BMPER: variants seen among roughly 807,000 people sequenced by gnomAD.
BMPER encodes the protein BMP-binding endothelial regulator protein.
In BMPER, 45 loss-of-function variants were observed where a neutral mutation model predicts 87.3. That is an observed-to-expected ratio of 0.52 (90% CI 0.41 to 0.66). The LOEUF (loss-of-function observed/expected upper bound fraction) is 0.66. BMPER is among the 30% of genes least tolerant of loss of function. The probability of loss-of-function intolerance (pLI) is 0.00; values close to 1 mark genes in which losing one functional copy is unlikely to be tolerated. For missense variants in BMPER, 784 were observed against 867.5 expected (o/e 0.90, Z 1.21); for synonymous variants, 326 against 316.2 (o/e 1.03, Z -0.33).
chr7:34,140,577 T>C (rs113486596), intron 13 of BMPER, among the ~76,000 whole-genome samples: 47 of 152,340 alleles, frequency 3.1e-4, no homozygotes, highest in African/African-American at 1.1e-3. Context: ...CAGAGGGACC[T>C]GTCTGTGGGT....
At chr7:34,031,228 T>C (rs1317491787) in intron 6 of BMPER, among the ~76,000 whole-genome samples, 1 of 151,938 alleles carries the variant, frequency 6.6e-6, no homozygotes, top group Admixed American at 6.6e-5. Flanking sequence ...AACTGCGGGG[T>C]TGCCTCACAC....
chr7:34,129,241 G>A (rs1790484029), intron 13 of BMPER, among the ~76,000 whole-genome samples: 1 of 151,988 alleles, frequency 6.6e-6, no homozygotes, highest in Non-Finnish European at 1.5e-5. Flanking sequence ...GGTGGCTCAT[G>A]CCTGTAATCT....
chr7:33,996,835 A>G (rs1474700907), intron 6 of BMPER, among the ~76,000 whole-genome samples: 1 of 152,232 alleles, frequency 6.6e-6, no homozygotes, highest in Non-Finnish European at 1.5e-5. Context: ...TCATTATAAA[A>G]ATATTAATAG....
chr7:33,941,798 A>G (rs868461899), intron 3 of BMPER, among the ~76,000 whole-genome samples: 1 of 152,194 alleles, frequency 6.6e-6, no homozygotes, highest in Admixed American at 6.5e-5. Flanking sequence ...TCAGTTCCTT[A>G]CAAGGTACAG....
chr7:33,935,329 T>A (rs1441392238), intron 2 of BMPER, among the ~76,000 whole-genome samples: 1 of 152,112 alleles, frequency 6.6e-6, no homozygotes. Flanking sequence ...TACTCTCCCC[T>A]GATGGCAGTG....
At chr7:33,972,658 T>C (rs1287270836) in intron 5 of BMPER, among the ~76,000 whole-genome samples, 1 of 152,068 alleles carries the variant, frequency 6.6e-6, no homozygotes, top group Non-Finnish European at 1.5e-5. Flanking sequence ...CACAGGGCAC[T>C]ACCTCCCATG....
chr7:34,147,358 G>A (rs954035701), intron 14 of BMPER, among the ~76,000 whole-genome samples: 13 of 152,232 alleles, frequency 8.5e-5, no homozygotes, highest in Non-Finnish European at 8.8e-5. Context: ...CTGATTGAAT[G>A]TATTGATAAA....
chr7:34,056,229 G>T (rs1255231372), intron 9 of BMPER, among the ~76,000 whole-genome samples: 1 of 152,136 alleles, frequency 6.6e-6, no homozygotes, highest in African/African-American at 2.4e-5. Context: ...ACACACTAGG[G>T]CCTGTTGGGG....
chr7:33,953,885 T>G (rs932126293), intron 3 of BMPER, among the ~76,000 whole-genome samples: 8 of 152,238 alleles, frequency 5.3e-5, no homozygotes, highest in Non-Finnish European at 1.2e-4. Context: ...CGCATGTATG[T>G]GCAGTCAGAC....
chr7:34,095,940 A>G (rs1260030912), intron 13 of BMPER, among the ~76,000 whole-genome samples: 1 of 149,524 alleles, frequency 6.7e-6, no homozygotes, highest in Non-Finnish European at 1.5e-5. Flanking sequence ...TTTTTTTTTC[A>G]TTATGAAATA....
At chr7:34,064,440 A>G (rs1272282058) in intron 11 of BMPER, among the ~76,000 whole-genome samples, 1 of 152,242 alleles carries the variant, frequency 6.6e-6, no homozygotes, top group African/African-American at 2.4e-5. Context: ...TGGACTTTCC[A>G]TATCTAGAAA....
chr7:33,966,278 A>G (rs1000391410), intron 3 of BMPER, among the ~76,000 whole-genome samples: 1 of 152,210 alleles, frequency 6.6e-6, no homozygotes, highest in African/African-American at 2.4e-5. Flanking sequence ...TCTTCTCAGT[A>G]GTCAATGAAT....
chr7:33,986,366 C>T (rs1337771420), intron 6 of BMPER, among the ~76,000 whole-genome samples: 9 of 152,216 alleles, frequency 5.9e-5, no homozygotes, highest in Non-Finnish European at 1.0e-4. Context: ...TAATGTACCT[C>T]ACAGCTTGAG....
intron 13 of BMPER, among the ~76,000 whole-genome samples, chr7:34,088,859 C>A (rs1789293969): frequency 6.6e-6 from 1 of 152,120 alleles, no homozygotes; most frequent in African/African-American, 2.4e-5. Flanking sequence ...ACATAAACTC[C>A]CCCTGATGCA....
intron 3 of BMPER, among the ~76,000 whole-genome samples, chr7:33,943,073 A>C (rs1280770815): frequency 6.6e-6 from 1 of 152,108 alleles, no homozygotes; most frequent in Non-Finnish European, 1.5e-5. Context: ...TTTAATTTTA[A>C]ATTTAATTAA....
At chr7:33,931,919 A>T (rs1784489522) in intron 2 of BMPER, among the ~76,000 whole-genome samples, 1 of 151,838 alleles carries the variant, frequency 6.6e-6, no homozygotes, top group Non-Finnish European at 1.5e-5. Flanking sequence ...CGTGCTTCTC[A>T]CTGTGCCAGA....
chr7:34,001,013 C>T (rs1325176601), intron 6 of BMPER, among the ~76,000 whole-genome samples: 1 of 151,878 alleles, frequency 6.6e-6, no homozygotes, highest in South Asian at 2.1e-4. Flanking sequence ...TTTAAACCAA[C>T]CTTACATTTC....
At chr7:34,139,567 T>C (rs955185518) in intron 13 of BMPER, among the ~76,000 whole-genome samples, 1 of 152,246 alleles carries the variant, frequency 6.6e-6, no homozygotes, top group Non-Finnish European at 1.5e-5. Flanking sequence ...GAATCAGGCC[T>C]ATGTAGAAAA....
intron 3 of BMPER, among the ~76,000 whole-genome samples, chr7:33,939,206 T>A (rs1784686963): frequency 6.6e-6 from 1 of 152,040 alleles, no homozygotes; most frequent in Non-Finnish European, 1.5e-5. Context: ...TGCAGAAGGG[T>A]GCTTTCTTAT....
Sources: gnomAD v4.1 joint callset for allele counts (sites outside exome capture counted in the v4.1 genomes callset) on GRCh38, gnomAD v4.1.1 for gene constraint, MANE v1.5 for transcripts, NCBI Gene and HGNC (gene_info 2026-07-23, HGNC 2026-07-21) for gene names.